GPR157: variants seen among roughly 807,000 people sequenced by gnomAD.
GPR157 encodes G protein-coupled receptor 157, also known as G-protein coupled receptor 157.
Under a neutral mutation model 23.5 loss-of-function variants are expected in GPR157, and 16 were observed. The observed-to-expected ratio is 0.68, with a 90% CI of 0.46 to 1.04. GPR157 has a LOEUF of 1.04. Among genes scored for constraint, GPR157 ranks in the 50% least tolerant of loss-of-function variants. The pLI is 0.00. For synonymous variants in GPR157, 200 were observed against 221.5 expected (o/e 0.90, Z 0.86); for missense variants, 440 against 460.7 (o/e 0.96, Z 0.41).
At chr1:9,116,558 T>C (rs1162003645) in intron 1 of GPR157, among the ~76,000 whole-genome samples, 5 of 144,890 alleles carry the variant, frequency 3.5e-5, no homozygotes, top group Admixed American at 7.2e-5. Context: ...CTGACCAACA[T>C]GGTGAAACCC....
chr1:9,128,028 C>T lies in GPR157; in HGVS notation c.383+617G>A, dbSNP rs1461655516. 6.6e-6 allele frequency among the ~76,000 whole-genome samples: 1 copy of T among 152,158 alleles called. No individual in the cohort carries two copies. Among genetic ancestry groups the T allele is most frequent in the African/African-American group, 2.4e-5 (1 of 41,438 alleles). ...CTCCCAGACCAGCCCTCCGCCCCTG[C>T]CCTCAATCTCAGAATTGCTGAACTC... On this transcript the variant is annotated intron_variant, in intron 1 of 3. Transcript: ENST00000377411. This position sits in a 1 kb window ranked among gnomAD's most constrained non-coding sequence, Gnocchi z 6.3.
At chr1:9,123,215 T>A (rs1458740181) in intron 1 of GPR157, among the ~76,000 whole-genome samples, 3 of 127,758 alleles carry the variant, frequency 2.3e-5, no homozygotes, top group East Asian at 2.1e-4. Flanking sequence ...TATATATATT[T>A]ATTAAAATAT....
Position 9,102,615 on chromosome 1 carries a change from T to G in GPR157, c.*1804A>C, listed in dbSNP as rs925275059. On this transcript the variant is annotated 3_prime_UTR_variant, in exon 4 of 4. Coordinates refer to ENST00000377411, the MANE Select transcript of GPR157 (RefSeq NM_024980.5). Reference sequence around the variant, plus strand: ...TTTTACTAGGCTCAGAAAATCATGCTTTGTCGAGTTCTGATGGATTCCAAG... The same window carrying G: ...TTTTACTAGGCTCAGAAAATCATGCGTTGTCGAGTTCTGATGGATTCCAAG... The G allele has an allele frequency of 6.6e-6, 1 of 152,108 alleles. No homozygotes were observed. Among genetic ancestry groups the G allele is most frequent in the African/African-American group, 2.4e-5 (1 of 41,414 alleles). 9.4% of individuals were successfully genotyped at this position (152,108 alleles called of 1,614,324 possible). A position where few individuals can be genotyped will look rare whatever the true frequency, so the allele number is the denominator to read the frequency against.
At chr1:9,116,776 C>T (rs1638690689) in intron 1 of GPR157, among the ~76,000 whole-genome samples, 1 of 151,308 alleles carries the variant, frequency 6.6e-6, no homozygotes, top group Non-Finnish European at 1.5e-5. Context: ...GGGTCTTGCT[C>T]TGTTGCCCAG....
rs1029715724 is a variant in GPR157, at chr1:9,118,932, G to C, written c.384-7443C>G. Among the ~76,000 whole-genome samples, 8 of 152,138 alleles carry C rather than the reference G, an allele frequency of 5.3e-5. No individual in the cohort carries two copies. The highest frequency in any genetic ancestry group is 1.9e-4 in the African/African-American group (8 of 41,426). ...CACCTGAAGTCCCAGCTACCCAGGA[G>C]GCTGAGGCGGGAGAACCGCTTGAAC... On this transcript the variant is annotated intron_variant, in intron 1 of 3. Transcript: ENST00000377411. This position sits in a 1 kb window ranked among gnomAD's most constrained non-coding sequence, Gnocchi z 4.6.
chr1:9,121,881 G>A (rs902345445), intron 1 of GPR157, among the ~76,000 whole-genome samples: 6 of 152,156 alleles, frequency 3.9e-5, no homozygotes, highest in East Asian at 1.9e-4. Flanking sequence ...CCAGCTCAGC[G>A]GGGCCAGAAG....
chr1:9,122,747 A>G (rs1569974187), intron 1 of GPR157, among the ~76,000 whole-genome samples: 1 of 152,200 alleles, frequency 6.6e-6, no homozygotes, highest in African/African-American at 2.4e-5. Flanking sequence ...TAAAACACCA[A>G]GAAAGGTGGG....
chr1:9,104,707 G>C, intron 3 of GPR157, 73 bp from the exon 4 acceptor site: 4 of 1,158,544 alleles, frequency 3.5e-6, no homozygotes, highest in Non-Finnish European at 4.9e-6. Context: ...TTGCAATTAA[G>C]AGAAACGGCT....
rs35650719 is a variant in GPR157, at chr1:9,113,956, AACACACACACACAC to A, written c.384-2481_384-2468del. ...AGACCCTGTCTCAAAAAAAAAACCA[AACACACACACACAC>A]ACACACACACACACACACACACACA... On this transcript the variant is annotated intron_variant, in intron 1 of 3. Transcript: ENST00000377411. 5.2e-4 allele frequency among the ~76,000 whole-genome samples: 63 copies of A among 121,894 alleles called. 1 individual carries two copies. Among genetic ancestry groups the A allele is most frequent in the South Asian group, 2.0e-3 (7 of 3,580 alleles). 80.0% of individuals were successfully genotyped at this position (121,894 alleles called of 152,430 possible). A position where few individuals can be genotyped will look rare whatever the true frequency, so the allele number is the denominator to read the frequency against.
chr1:9,128,482 C>T lies in GPR157; in HGVS notation c.383+163G>A. The T allele has an allele frequency of 1.4e-6, 1 of 714,068 alleles. No individual in the cohort carries two copies. The highest frequency in any genetic ancestry group is 2.4e-6 in the Non-Finnish European group (1 of 410,304). The allele number at this position is 714,068 out of a possible 1,614,324, so 44.2% of individuals were successfully genotyped here. On this transcript the variant is annotated intron_variant, in intron 1 of 3. Transcript: ENST00000377411. This position sits in a 1 kb window ranked among gnomAD's most constrained non-coding sequence, Gnocchi z 6.3. The stretch of plus-strand genomic sequence containing the variant: ...GGGAGGGAGCGAATCTCGGGCAAGG[C>T]TGGCCTCCTCCCGCTGGCCCAGGAC...
chr1:9,119,898 C>T (rs541623303), intron 1 of GPR157, among the ~76,000 whole-genome samples: 2 of 152,294 alleles, frequency 1.3e-5, no homozygotes, highest in African/African-American at 4.8e-5. Context: ...AATTCCCCTG[C>T]GTGGTGTCGT....
chr1:9,123,174 A>T (rs375768814), intron 1 of GPR157, among the ~76,000 whole-genome samples: 6,232 of 116,860 alleles, frequency 0.053, 214 homozygotes, highest in Middle Eastern at 0.097. Context: ...AAAAAAAAAA[A>T]ATATATATAT....
chr1:9,108,302 T>C (rs925241494), intron 2 of GPR157, among the ~76,000 whole-genome samples: 1 of 152,164 alleles, frequency 6.6e-6, no homozygotes, highest in African/African-American at 2.4e-5. Flanking sequence ...TCTTGGCTCA[T>C]TCCTAGCTAG....
chr1:9,109,557 T>TA (rs1012032852), intron 2 of GPR157, among the ~76,000 whole-genome samples: 26 of 152,124 alleles, frequency 1.7e-4, no homozygotes, highest in African/African-American at 6.0e-4. Flanking sequence ...CACATCCAGC[T>TA]AATTTTTGTT....
intron 1 of GPR157, among the ~76,000 whole-genome samples, chr1:9,117,619 G>A (rs528312660): frequency 2.0e-5 from 3 of 152,104 alleles, no homozygotes; most frequent in Admixed American, 6.6e-5. Context: ...AAAATTAGCC[G>A]GACGTGGTGG....
At position 9,111,326 on chromosome 1, in the gene GPR157, C is replaced by G; in HGVS notation, c.547G>C (p.Val183Leu). ...TGKLWEMLAY[V>L]LLPLLYLLVR... Reference sequence around the variant, plus strand: ...AGGAGGTACAGCAGAGGCAGCAGCACATATGCCAGCATCTCCCACAGCTTC... The same window carrying G: ...AGGAGGTACAGCAGAGGCAGCAGCAGATATGCCAGCATCTCCCACAGCTTC... Residue 183 changes from valine (V) to leucine (L), a missense_variant, in exon 2 of 4, where the codon GTG becomes CTG. Transcript: ENST00000377411. The G allele has an allele frequency of 6.2e-7, 1 of 1,614,244 alleles. No individual in the cohort carries two copies. The highest frequency in any genetic ancestry group is 8.5e-7 in the Non-Finnish European group (1 of 1,180,046).
At chr1:9,127,783 T>C (rs563429630) in intron 1 of GPR157, among the ~76,000 whole-genome samples, 1 of 152,298 alleles carries the variant, frequency 6.6e-6, no homozygotes, top group Admixed American at 6.5e-5. Context: ...TAGGGCAGTA[T>C]CTGATGCTCT....
intron 2 of GPR157, among the ~76,000 whole-genome samples, chr1:9,110,483 A>C (rs1470382668): frequency 1.3e-5 from 2 of 152,224 alleles, no homozygotes; most frequent in Non-Finnish European, 2.9e-5. Context: ...AGATTGTGCC[A>C]CTGCACTCCA....
At chr1:9,115,120 G>A (rs1286993431) in intron 1 of GPR157, among the ~76,000 whole-genome samples, 3 of 152,084 alleles carry the variant, frequency 2.0e-5, no homozygotes, top group East Asian at 1.9e-4. Context: ...CCTGCAAAGC[G>A]GGCTGAGCCA....
Sources: gnomAD v4.1 joint callset for allele counts (sites outside exome capture counted in the v4.1 genomes callset) on GRCh38, gnomAD v4.1.1 for gene constraint, Gnocchi (gnomAD v3.1) non-coding constraint, MANE v1.5 for transcripts, NCBI Gene and HGNC (gene_info 2026-07-23, HGNC 2026-07-21) for gene names.